Variants in PRKG1 observed in about 807,000 individuals in gnomAD.
The protein encoded by PRKG1 is cGMP-dependent protein kinase 1.
Under a neutral mutation model 88.1 loss-of-function variants are expected in PRKG1, and 35 were observed. The observed-to-expected ratio is 0.40, with a 90% CI of 0.30 to 0.53. The LOEUF is 0.53. PRKG1 is among the 20% of genes least tolerant of loss of function. The pLI is 0.59. For synonymous variants in PRKG1, 303 were observed against 292.5 expected (o/e 1.04, Z -0.37); for missense variants, 540 against 839.8 (o/e 0.64, Z 4.41).
intron 2 of PRKG1, among the ~76,000 whole-genome samples, chr10:51,177,577 GT>G (rs1460415938): frequency 6.6e-6 from 1 of 152,052 alleles, no homozygotes; most frequent in African/African-American, 2.4e-5. Flanking sequence ...CACCACTAGT[GT>G]TTGCTGAATG....
chr10:51,030,506 T>A (rs1843269138), intron 1 of PRKG1, among the ~76,000 whole-genome samples: 1 of 152,208 alleles, frequency 6.6e-6, no homozygotes, highest in African/African-American at 2.4e-5. Context: ...TCATTCTCTG[T>A]AACCAAAGAA....
At chr10:51,294,331 A>G (rs2132227440) in intron 2 of PRKG1, among the ~76,000 whole-genome samples, 1 of 152,222 alleles carries the variant, frequency 6.6e-6, no homozygotes, top group Admixed American at 6.5e-5. Flanking sequence ...GTTTTCTTCT[A>G]GTAGTTTTAT....
At chr10:51,143,414 G>T (rs923485096) in intron 1 of PRKG1, among the ~76,000 whole-genome samples, 1 of 152,006 alleles carries the variant, frequency 6.6e-6, no homozygotes. Context: ...CCATAGCTTG[G>T]CTATTGCAAA....
chr10:51,993,446 T>A (rs111279035), intron 5 of PRKG1, among the ~76,000 whole-genome samples: 102 of 152,312 alleles, frequency 6.7e-4, no homozygotes, highest in African/African-American at 2.4e-3. Flanking sequence ...CCCCCACTTA[T>A]TGAGCTTATT....
chr10:51,302,339 T>C (rs1427300878), intron 2 of PRKG1, among the ~76,000 whole-genome samples: 1 of 152,188 alleles, frequency 6.6e-6, no homozygotes, highest in Non-Finnish European at 1.5e-5. Context: ...CCCTGTAAAA[T>C]ATTATTCATT....
intron 1 of PRKG1, among the ~76,000 whole-genome samples, 160 bp downstream of exon 1, chr10:51,075,061 G>A (rs1007266385): frequency 2.6e-5 from 4 of 152,166 alleles, no homozygotes; most frequent in African/African-American, 9.7e-5. Context: ...GGCTGTGCAC[G>A]TTTCTCAGAG....
At chr10:51,170,884 G>A (rs1443813871) in intron 2 of PRKG1, among the ~76,000 whole-genome samples, 1 of 152,036 alleles carries the variant, frequency 6.6e-6, no homozygotes, top group African/African-American at 2.4e-5. Flanking sequence ...TCCACAGGAG[G>A]ATTTGAGCAA....
At chr10:51,728,127 C>T (rs1842179214) in intron 3 of PRKG1, among the ~76,000 whole-genome samples, 3 of 151,998 alleles carry the variant, frequency 2.0e-5, no homozygotes. Context: ...GCACACTTCA[C>T]CTGGGAAACT....
chr10:51,142,993 C>T (rs181040184), intron 1 of PRKG1, among the ~76,000 whole-genome samples: 2 of 152,196 alleles, frequency 1.3e-5, no homozygotes, highest in Admixed American at 1.3e-4. Flanking sequence ...GAGAATACAA[C>T]ATCCATTGTC....
At chr10:51,176,268 C>T (rs532494573) in intron 2 of PRKG1, among the ~76,000 whole-genome samples, 40 of 152,190 alleles carry the variant, frequency 2.6e-4, no homozygotes, top group African/African-American at 7.2e-4. Flanking sequence ...GTGTATATTT[C>T]TCTCTGTATC....
At chr10:51,850,580 G>C (rs1362965081) in intron 4 of PRKG1, among the ~76,000 whole-genome samples, 1 of 151,922 alleles carries the variant, frequency 6.6e-6, no homozygotes, top group South Asian at 2.1e-4. Context: ...TAAACTGAGG[G>C]AAAACATTTG....
At chr10:51,469,116 T>C (rs1478585717) in intron 3 of PRKG1, among the ~76,000 whole-genome samples, 1 of 151,818 alleles carries the variant, frequency 6.6e-6, no homozygotes, top group Non-Finnish European at 1.5e-5. Flanking sequence ...TGAACCATAA[T>C]AGAATCTGCC....
At chr10:51,540,538 T>G (rs1328788748) in intron 3 of PRKG1, among the ~76,000 whole-genome samples, 1 of 152,148 alleles carries the variant, frequency 6.6e-6, no homozygotes, top group African/African-American at 2.4e-5. Flanking sequence ...AATAGATAAA[T>G]AATATACATA....
At position 51,367,472 on chromosome 10, in the gene PRKG1, G is replaced by A. The variant is rs542725707; in HGVS notation, c.479-100251G>A. On this transcript the variant is annotated intron_variant, in intron 2 of 17. Transcript: ENST00000373980. ...GAGGGAACATCTCTTATGATGCCCA[G>A]GGCTGGAATTTACTCCTTTTTTCTT... is the stretch of plus-strand genomic sequence containing the variant. Among the ~76,000 whole-genome samples, 37 of 152,034 alleles carry A rather than the reference G, an allele frequency of 2.4e-4. No homozygotes were observed. In the South Asian group the frequency reaches 7.7e-3, roughly 32 times the overall value.
intron 5 of PRKG1, among the ~76,000 whole-genome samples, chr10:52,045,194 T>G (rs1313781602): frequency 1.3e-5 from 2 of 152,114 alleles, no homozygotes; most frequent in Non-Finnish European, 2.9e-5. Flanking sequence ...GATCTGACCA[T>G]ACATAGCTGG....
At chr10:51,603,629 T>G (rs1838675022) in intron 3 of PRKG1, among the ~76,000 whole-genome samples, 2 of 152,198 alleles carry the variant, frequency 1.3e-5, no homozygotes, top group African/African-American at 4.8e-5. Flanking sequence ...GAGTGCCTAT[T>G]ATGTATCTCA....
At chr10:51,535,934 G>C (rs540845359) in intron 3 of PRKG1, among the ~76,000 whole-genome samples, 1 of 151,972 alleles carries the variant, frequency 6.6e-6, no homozygotes, top group Non-Finnish European at 1.5e-5. Context: ...TATTGGTCAG[G>C]CTGGTCCTGA....
intron 2 of PRKG1, among the ~76,000 whole-genome samples, chr10:51,349,566 G>C (rs1355454106): frequency 6.6e-6 from 1 of 150,776 alleles, no homozygotes; most frequent in Non-Finnish European, 1.5e-5. Context: ...GAGTGCAGTG[G>C]CATGATCTTG....
intron 3 of PRKG1, among the ~76,000 whole-genome samples, chr10:51,662,740 G>GAA (rs1404745102): frequency 2.0e-5 from 3 of 152,242 alleles, no homozygotes; most frequent in Middle Eastern, 3.4e-3. Context: ...GAAGGATTAA[G>GAA]AAAAACTTCA....
Sources: gnomAD v4.1 joint callset for allele counts (sites outside exome capture counted in the v4.1 genomes callset) on GRCh38, gnomAD v4.1.1 for gene constraint, MANE v1.5 for transcripts, NCBI Gene and HGNC (gene_info 2026-07-23, HGNC 2026-07-21) for gene names.